PCLO: variants seen among roughly 807,000 people sequenced by gnomAD.
PCLO encodes protein piccolo.
PCLO carries 82 observed loss-of-function variants against 427.5 expected under a neutral mutation model. The observed-to-expected ratio is 0.19, with a 90% CI of 0.16 to 0.23. PCLO has a LOEUF of 0.23. PCLO is among the 10% of genes least tolerant of loss of function. The pLI is 1.00. For synonymous variants in PCLO, 2,357 were observed against 2,155.4 expected (o/e 1.09, Z -2.59); for missense variants, 6,239 against 6,115.9 (o/e 1.02, Z -0.67).
In PCLO at chr7:82,757,036, A is replaced by G. The variant is rs1422389951; in HGVS notation, c.*1539T>C. The G allele has an allele frequency of 2.6e-5, 4 of 152,072 alleles. No homozygotes were observed. The highest frequency in any genetic ancestry group is 7.2e-5 in the African/African-American group (3 of 41,432). The allele number at this position is 152,072 out of a possible 1,614,324, so 9.4% of individuals were successfully genotyped here. On this transcript the variant is annotated 3_prime_UTR_variant, in exon 25 of 25. Coordinates refer to ENST00000333891, the MANE Select transcript of PCLO (RefSeq NM_033026.6). ...AAACTATATTTGGAAATGTGCTTTC[A>G]TCTTTCATGGATCATTGATTTATCA...
At chr7:82,815,919 C>T (rs556300464) in intron 20 of PCLO, among the ~76,000 whole-genome samples, 52 of 152,182 alleles carry the variant, frequency 3.4e-4, no homozygotes, top group African/African-American at 8.4e-4. Context: ...GTTAGATCTA[C>T]GTCATTCCTA....
chr7:83,061,866 C>T (rs867087069), intron 3 of PCLO, among the ~76,000 whole-genome samples: 15 of 152,092 alleles, frequency 9.9e-5, no homozygotes, highest in African/African-American at 3.1e-4. Context: ...TGAATACATA[C>T]GAAATGACTT....
intron 10 of PCLO, among the ~76,000 whole-genome samples, chr7:82,855,493 A>G (rs1192943771): frequency 6.6e-6 from 1 of 152,202 alleles, no homozygotes; most frequent in Non-Finnish European, 1.5e-5. Context: ...AAAATAACAT[A>G]TATTATTTGT....
At chr7:82,878,511 T>C (rs1465983584) in intron 10 of PCLO, among the ~76,000 whole-genome samples, 2 of 152,212 alleles carry the variant, frequency 1.3e-5, no homozygotes, top group African/African-American at 2.4e-5. Flanking sequence ...TTGCAAACTA[T>C]ATTTATGTTA....
chr7:83,152,005 C>T (rs1049404216), intron 2 of PCLO, among the ~76,000 whole-genome samples: 1 of 151,658 alleles, frequency 6.6e-6, no homozygotes, highest in Non-Finnish European at 1.5e-5. Flanking sequence ...TGCTCTGTTG[C>T]CCAGGCTGGA....
chr7:83,091,773 A>T (rs1377126611), intron 3 of PCLO, among the ~76,000 whole-genome samples: 4 of 152,196 alleles, frequency 2.6e-5, no homozygotes, highest in Non-Finnish European at 5.9e-5. Flanking sequence ...TTTTATCCAT[A>T]CTAGTAAGCC....
intron 3 of PCLO, among the ~76,000 whole-genome samples, chr7:82,992,699 C>CGT (rs1452200718): frequency 6.6e-6 from 1 of 151,850 alleles, no homozygotes; most frequent in Non-Finnish European, 1.5e-5. Flanking sequence ...CCATGGCACA[C>CGT]GTCTACCTAT....
At chr7:83,104,540 T>C (rs1009506179) in intron 3 of PCLO, among the ~76,000 whole-genome samples, 2 of 152,180 alleles carry the variant, frequency 1.3e-5, no homozygotes, top group South Asian at 4.1e-4. Context: ...AATCATACTA[T>C]GGCTAAAATA....
chr7:82,867,145 A>T (rs1467885261), intron 10 of PCLO, among the ~76,000 whole-genome samples: 1 of 152,198 alleles, frequency 6.6e-6, no homozygotes, highest in Non-Finnish European at 1.5e-5. Flanking sequence ...CAGGCCTTTA[A>T]TCCCAGAACT....
chr7:82,912,833 C>T (rs898666201), intron 7 of PCLO, among the ~76,000 whole-genome samples: 1 of 151,998 alleles, frequency 6.6e-6, no homozygotes, highest in Non-Finnish European at 1.5e-5. Context: ...AGCATGTTGA[C>T]AAAATATCTA....
rs182738645 is a variant in PCLO at position 83,048,413 on chromosome 7, A to G, written c.3301-81926T>C. Among the ~76,000 whole-genome samples, 66 of 152,192 alleles carry G rather than the reference A, an allele frequency of 4.3e-4. 1 individual carries two copies. The highest frequency in any genetic ancestry group is 1.6e-3 in the Admixed American group (24 of 15,246). On this transcript the variant is annotated intron_variant, in intron 3 of 24. Coordinates refer to ENST00000333891, the MANE Select transcript of PCLO (RefSeq NM_033026.6). ...AATTATCTTGCCACCTAGAAGATGA[A>G]ACCACCATGAATTAGATCATATTTC...
intron 2 of PCLO, among the ~76,000 whole-genome samples, chr7:83,153,449 A>G (rs879285627): frequency 1.5e-4 from 23 of 152,186 alleles, no homozygotes; most frequent in Admixed American, 1.5e-3. Flanking sequence ...CCACATTAAC[A>G]TAAATTACCA....
intron 3 of PCLO, among the ~76,000 whole-genome samples, chr7:83,040,055 T>TGG: frequency 6.6e-6 from 1 of 152,280 alleles, no homozygotes; most frequent in South Asian, 2.1e-4. Flanking sequence ...TTCTAATCAT[T>TGG]TTAATGGGAT....
intron 14 of PCLO, among the ~76,000 whole-genome samples, chr7:82,840,764 T>C (rs1193407803): frequency 6.6e-6 from 1 of 151,996 alleles, no homozygotes; most frequent in Non-Finnish European, 1.5e-5. Flanking sequence ...ATCTGAAACA[T>C]ACTGTTTTCA....
intron 3 of PCLO, among the ~76,000 whole-genome samples, chr7:83,095,167 T>G (rs984585565): frequency 6.6e-6 from 1 of 152,146 alleles, no homozygotes; most frequent in Admixed American, 6.5e-5. Context: ...AATAATCTAT[T>G]TCATATCATG....
At chr7:83,027,559 C>T (rs1483417250) in intron 3 of PCLO, among the ~76,000 whole-genome samples, 1 of 151,548 alleles carries the variant, frequency 6.6e-6, no homozygotes, top group African/African-American at 2.4e-5. Context: ...CCTTCTGAAA[C>T]TATTCCAATC....
chr7:83,150,929 G>C (rs1318414669), intron 2 of PCLO, among the ~76,000 whole-genome samples: 1 of 152,120 alleles, frequency 6.6e-6, no homozygotes, highest in Non-Finnish European at 1.5e-5. Flanking sequence ...CATCCTCTTT[G>C]GAAGATGCAG....
At chr7:82,815,489 T>A (rs562678769) in intron 20 of PCLO, among the ~76,000 whole-genome samples, 1 of 152,234 alleles carries the variant, frequency 6.6e-6, no homozygotes, top group South Asian at 2.1e-4. Context: ...TATTTCTCTA[T>A]ATTCCAAGTT....
intron 3 of PCLO, among the ~76,000 whole-genome samples, chr7:83,124,702 T>C (rs1336995947): frequency 6.6e-6 from 1 of 152,072 alleles, no homozygotes. Context: ...ATAAAAGACA[T>C]ATATGCTCTC....
Sources: gnomAD v4.1 joint callset for allele counts (sites outside exome capture counted in the v4.1 genomes callset) on GRCh38, gnomAD v4.1.1 for gene constraint, MANE v1.5 for transcripts, NCBI Gene and HGNC (gene_info 2026-07-23, HGNC 2026-07-21) for gene names.